The following CFAP91 variants were observed in gnomAD, a reference collection of about 807,000 sequenced individuals.
CFAP91 encodes cilia and flagella associated protein 91, also known as cilia- and flagella-associated protein 91.
Under a neutral mutation model 95.9 loss-of-function variants are expected in CFAP91, and 85 were observed. The observed-to-expected ratio is 0.89, with a 90% CI of 0.74 to 1.06. CFAP91 has a LOEUF of 1.06. Ranked by LOEUF, CFAP91 falls within the 50% of genes least tolerant of loss-of-function variation. CFAP91 has a pLI of 0.00. For synonymous variants in CFAP91, 335 were observed against 327.5 expected (o/e 1.02, Z -0.25); for missense variants, 962 against 943.4 (o/e 1.02, Z -0.26).
At chr3:119,739,421 G>A in intron 12 of CFAP91, 95 bp downstream of exon 12, 1 of 1,088,158 alleles carries the variant, frequency 9.2e-7, no homozygotes, top group Non-Finnish European at 1.4e-6. Flanking sequence ...AATCCCTTTT[G>A]CACCCTGCTA....
chr3:119,703,868 A>G (rs577765348), intron 1 of CFAP91, among the ~76,000 whole-genome samples: 2 of 152,270 alleles, frequency 1.3e-5, no homozygotes, highest in African/African-American at 4.8e-5. Flanking sequence ...GTGCTGATAC[A>G]TATACTAGGC....
At chr3:119,744,795 C>T (rs80017292) in intron 14 of CFAP91, among the ~76,000 whole-genome samples, 2 of 152,056 alleles carry the variant, frequency 1.3e-5, no homozygotes, top group African/African-American at 2.4e-5. Flanking sequence ...AGGGTTTGGC[C>T]GAAGATGTAA....
intron 5 of CFAP91, 29 bp from the exon 6 acceptor site, chr3:119,715,533 C>T: frequency 1.9e-6 from 3 of 1,593,574 alleles, no homozygotes; most frequent in Non-Finnish European, 2.6e-6. Context: ...TAACAGGTTT[C>T]AATTTTTAAA....
rs777811106 is a variant in CFAP91 at position 119,707,597 on chromosome 3, G to A, written c.359+36G>A. The A allele has an allele frequency of 5.3e-6, 8 of 1,502,990 alleles. No individual in the cohort carries two copies. In the Admixed American group the frequency reaches 1.4e-4, roughly 26 times the overall value. The allele number at this position is 1,502,990 out of a possible 1,614,324, so 93.1% of individuals were successfully genotyped here. Reference sequence around the variant, plus strand: ...GGTGGCTCCAGGGCCTAAAATAAATGCATTAAAAGCATTTCTTTAAATTCA... The same window carrying A: ...GGTGGCTCCAGGGCCTAAAATAAATACATTAAAAGCATTTCTTTAAATTCA... On this transcript the variant is annotated intron_variant, in intron 3 of 17. Transcript: ENST00000273390.
chr3:119,708,264 CAAAAAAAA>C (rs11346330), intron 3 of CFAP91, among the ~76,000 whole-genome samples: 13 of 111,862 alleles, frequency 1.2e-4, no homozygotes, highest in Non-Finnish European at 2.1e-4. Context: ...GACTCTGTCT[CAAAAAAAA>C]AAAAAAAAAA....
chr3:119,739,263 A>G lies in CFAP91; in HGVS notation c.1470A>G (p.Glu490=). ...TCCCTTTGTTCTTTTAGGAAGAAGA[A>G]GAAATGGAAATGGCTGTGATCTACC... is the stretch of plus-strand genomic sequence containing the variant. ...PTLEMTSNEE[E]EMEMAVIYLQ... Residue 490 remains glutamate (E), a synonymous_variant, in exon 12 of 18, where the codon GAA becomes GAG. Coordinates refer to ENST00000273390, the MANE Select transcript of CFAP91 (RefSeq NM_033364.4). 6.2e-7 allele frequency: 1 copy of G among 1,614,112 alleles called. No individual in the cohort carries two copies. The highest frequency in any genetic ancestry group is 8.5e-7 in the Non-Finnish European group (1 of 1,179,936).
chr3:119,707,036 T>A (rs1404397546), intron 2 of CFAP91, 151 bp downstream of exon 2: 1 of 641,006 alleles, frequency 1.6e-6, no homozygotes, highest in African/African-American at 1.8e-5. Flanking sequence ...GGGCAAAGCA[T>A]CTTAATACGT....
intron 7 of CFAP91, among the ~76,000 whole-genome samples, chr3:119,726,822 C>G (rs186103198): frequency 4.1e-4 from 48 of 118,148 alleles, no homozygotes; most frequent in Non-Finnish European, 6.7e-5. Context: ...ACCCACCCCC[C>G]ACCCCGACCC....
intron 11 of CFAP91, among the ~76,000 whole-genome samples, chr3:119,738,244 C>T (rs2054047252): frequency 6.7e-6 from 1 of 150,358 alleles, no homozygotes; most frequent in Admixed American, 6.7e-5. Context: ...GCAGAGGGAC[C>T]AGAAAGCTCC....
intron 13 of CFAP91, among the ~76,000 whole-genome samples, chr3:119,742,433 C>T (rs2054139861): frequency 6.6e-6 from 1 of 152,294 alleles, no homozygotes. Flanking sequence ...AGTGGAGTCC[C>T]CTCCCTAAAC....
intron 14 of CFAP91, 23 bp downstream of exon 14, chr3:119,744,219 G>A: frequency 1.9e-6 from 3 of 1,576,000 alleles, no homozygotes; most frequent in East Asian, 2.2e-5. Context: ...AGCTGGGTGT[G>A]TGGAAGCTGC....
intron 6 of CFAP91, among the ~76,000 whole-genome samples, chr3:119,724,010 A>G (rs2053733390): frequency 6.6e-6 from 1 of 152,002 alleles, no homozygotes; most frequent in South Asian, 2.1e-4. Context: ...AAATACAAAA[A>G]AAAATGAGCC....
chr3:119,709,151 C>A (rs929106181), intron 4 of CFAP91, among the ~76,000 whole-genome samples: 1 of 152,132 alleles, frequency 6.6e-6, no homozygotes, highest in Non-Finnish European at 1.5e-5. Context: ...CATTTTATTT[C>A]ATTTGTGATT....
At chr3:119,738,068 G>T (rs1395539391) in intron 11 of CFAP91, among the ~76,000 whole-genome samples, 2 of 152,154 alleles carry the variant, frequency 1.3e-5, no homozygotes, top group South Asian at 2.1e-4. Flanking sequence ...ACTGCCTACT[G>T]GATCAGGCTG....
chr3:119,740,103 CTCT>C (rs1470522853), intron 12 of CFAP91, among the ~76,000 whole-genome samples: 2 of 152,188 alleles, frequency 1.3e-5, no homozygotes, highest in Admixed American at 6.5e-5. Context: ...CTGTTCTTTA[CTCT>C]TCTTTCAGTA....
At chr3:119,704,611 A>G (rs557648557) in intron 1 of CFAP91, among the ~76,000 whole-genome samples, 4 of 152,344 alleles carry the variant, frequency 2.6e-5, no homozygotes, top group African/African-American at 9.6e-5. Flanking sequence ...GAACACATTT[A>G]TACTAAAAAA....
chr3:119,735,811 C>T (rs866667570), intron 10 of CFAP91, among the ~76,000 whole-genome samples: 2 of 152,224 alleles, frequency 1.3e-5, no homozygotes, highest in Middle Eastern at 3.4e-3. Flanking sequence ...ATATAATCAG[C>T]CAATACTTTT....
At chr3:119,756,738 G>T (rs911884353) in intron 17 of CFAP91, among the ~76,000 whole-genome samples, 1 of 152,050 alleles carries the variant, frequency 6.6e-6, no homozygotes, top group African/African-American at 2.4e-5. Context: ...AACCTCTAGG[G>T]TAACTCTGAA....
At chr3:119,764,131 A>G (rs533543918) in intron 17 of CFAP91, among the ~76,000 whole-genome samples, 1 of 152,236 alleles carries the variant, frequency 6.6e-6, no homozygotes, top group African/African-American at 2.4e-5. Context: ...TAAATAAATG[A>G]AATAGTAAAG....
Sources: allele counts gnomAD v4.1 joint callset (sites outside exome capture counted in the v4.1 genomes callset), GRCh38; gene constraint gnomAD v4.1.1; transcripts MANE v1.5; gene names NCBI Gene and HGNC (gene_info 2026-07-23, HGNC 2026-07-21).